Variants in LSM7 observed in about 807,000 individuals in gnomAD.
LSM7 encodes LSM7 homolog, U6 small nuclear RNA and mRNA degradation associated, also known as U6 snRNA-associated Sm-like protein LSm7.
In LSM7, 13 loss-of-function variants were observed where a neutral mutation model predicts 14.1. The observed-to-expected ratio is 0.92, with a 90% confidence interval of 0.60 to 1.47. The LOEUF (loss-of-function observed/expected upper bound fraction) is 1.47, where lower values mean the gene tolerates loss of function less well. Among genes scored for constraint, LSM7 ranks in the 40% most tolerant of loss-of-function variants. The probability of loss-of-function intolerance (pLI) is 0.00; values close to 1 mark genes in which losing one functional copy is unlikely to be tolerated. For synonymous variants in LSM7, 70 were observed against 57.1 expected, an observed-to-expected ratio of 1.23 and a Z score of -1.02; for missense variants, 108 against 140.8, an observed-to-expected ratio of 0.77 and a Z score of 1.18.
chr19:2,326,310 TTTTGTGTGTGTG>T (rs1213201373), intron 2 of LSM7, among the ~76,000 whole-genome samples: 3 of 99,712 alleles, frequency 3.0e-5, no homozygotes, highest in Admixed American at 1.0e-4. Flanking sequence ...CCTTTCTGCT[TTTTGTGTGTGTG>T]TGTGTGTGTG....
intron 2 of LSM7, among the ~76,000 whole-genome samples, chr19:2,325,092 C>T (rs1409061118): frequency 6.6e-6 from 1 of 152,206 alleles, no homozygotes; most frequent in Non-Finnish European, 1.5e-5. Context: ...GCTTCGGGGG[C>T]TGAGACGGTC....
At chr19:2,327,148 G>A (rs546439221) in intron 2 of LSM7, among the ~76,000 whole-genome samples, 31 of 152,372 alleles carry the variant, frequency 2.0e-4, no homozygotes, top group Middle Eastern at 6.8e-3. Context: ...GATTTGCTAT[G>A]AAGGGCAGAA....
At chr19:2,326,308 CTTTT>C (rs763242978) in intron 2 of LSM7, among the ~76,000 whole-genome samples, 2 of 109,782 alleles carry the variant, frequency 1.8e-5, no homozygotes, top group Non-Finnish European at 3.8e-5. Context: ...ACCCTTTCTG[CTTTT>C]TGTGTGTGTG....
chr19:2,327,770 GGTCCCCGTCTTACAAAAAAAA>G (rs1968063434), intron 2 of LSM7, among the ~76,000 whole-genome samples: 1 of 152,114 alleles, frequency 6.6e-6, no homozygotes, highest in Non-Finnish European at 1.5e-5. Flanking sequence ...AAGAGGTTTG[GGTCCCCGTCTTACAAAAAAAA>G]GAAACCAAAG....
intron 2 of LSM7, among the ~76,000 whole-genome samples, chr19:2,325,122 C>T (rs924722163): frequency 6.6e-5 from 10 of 152,202 alleles, no homozygotes; most frequent in African/African-American, 2.4e-4. Flanking sequence ...TCTCTCTCCA[C>T]GCTGCCTGCC....
intron 3 of LSM7, among the ~76,000 whole-genome samples, chr19:2,322,639 G>A (rs1279698693): frequency 4.6e-5 from 7 of 152,190 alleles, no homozygotes; most frequent in African/African-American, 1.4e-4. Context: ...GCTCTCAAGA[G>A]GCTGAAGGCG....
intron 2 of LSM7, 27 bp downstream of exon 2, chr19:2,328,360 G>A: frequency 6.3e-7 from 1 of 1,599,906 alleles, no homozygotes; most frequent in Non-Finnish European, 8.6e-7. Context: ...TTTAAAGAGG[G>A]GGTACCGACA....
chr19:2,328,310 T>C (rs1239082669), intron 2 of LSM7, 77 bp downstream of exon 2: 14 of 1,194,358 alleles, frequency 1.2e-5, no homozygotes, highest in Non-Finnish European at 1.7e-5. Context: ...TGCTTCCGCA[T>C]GCGTCCTCAT....
rs1234339608 is a variant in LSM7 at position 2,321,971 on chromosome 19, G to A, written c.170-149C>T. On this transcript the variant is annotated intron_variant, in intron 3 of 3. Coordinates refer to ENST00000252622, the MANE Select transcript of LSM7 (RefSeq NM_016199.3). This position sits in a 1 kb window ranked among gnomAD's most constrained non-coding sequence, Gnocchi z 5.0. Reference sequence around the variant, plus strand: ...ACCTCAGACGGGATGCGCTCTGTGGGGCAGGTCCCCGGCTCCCACGGCTGA... The same window carrying A: ...ACCTCAGACGGGATGCGCTCTGTGGAGCAGGTCCCCGGCTCCCACGGCTGA... 6 of 701,444 alleles carry A rather than the reference G, an allele frequency of 8.6e-6. No homozygotes were observed. The East Asian group carries it at 1.7e-4, about 20-fold the overall frequency. The allele number at this position is 701,444 out of a possible 1,614,324, so 43.5% of individuals were successfully genotyped here. A position where few individuals can be genotyped will look rare whatever the true frequency, so the allele number is the denominator to read the frequency against.
At chr19:2,328,516 C>G in intron 1 of LSM7, 39 bp from the exon 2 acceptor site, 1 of 1,610,536 alleles carries the variant, frequency 6.2e-7, no homozygotes, top group Non-Finnish European at 8.5e-7. Flanking sequence ...TGGAGCGCGG[C>G]CCGAGCTCCA....
intron 3 of LSM7, among the ~76,000 whole-genome samples, chr19:2,323,859 G>C (rs1302685597): frequency 6.6e-6 from 1 of 152,118 alleles, no homozygotes; most frequent in African/African-American, 2.4e-5. Flanking sequence ...TGGGTGAGCT[G>C]GCAGCTCCCG....
In LSM7 at chr19:2,328,409, T is replaced by C. The variant is rs766291015; in HGVS notation, c.75A>G (p.Val25=). The change falls in exon 2 of 4, where the codon GTA becomes GTG. Residue 25 remains valine (V), a synonymous_variant. Transcript: ENST00000252622. ...CACCTTCGCGGCCTCCCTGGAACTT[T>C]ACCCGGATCGTCTTGTCGATGTACT... ...LSKYIDKTIR[V]KFQGGREASG... is the part of the protein sequence containing the mutation. 6.2e-7 allele frequency: 1 copy of C among 1,613,958 alleles called. No individual in the cohort carries two copies. The highest frequency in any genetic ancestry group is 1.1e-5 in the South Asian group (1 of 91,080).
chr19:2,321,658 AC>A lies in LSM7; in HGVS notation c.*21del. The A allele has an allele frequency of 1.3e-5, 19 of 1,462,166 alleles. No homozygotes were observed. Among genetic ancestry groups the A allele is most frequent in the East Asian group, 2.7e-5 (1 of 36,726 alleles). 90.6% of individuals were successfully genotyped at this position (1,462,166 alleles called of 1,614,324 possible). ...ACCGAGCTGCTCGGGCCTGCCCTGC[AC>A]CCCCCGCGCCCCCGGCCAGGCTAGG... On this transcript the variant is annotated 3_prime_UTR_variant, in exon 4 of 4. Transcript: ENST00000252622. The surrounding 1 kb of genome is among the most constrained non-coding windows in gnomAD (Gnocchi z 5.0).
intron 1 of LSM7, 33 bp from the exon 2 acceptor site, chr19:2,328,510 G>A (rs1968092487): frequency 6.2e-7 from 1 of 1,611,406 alleles, no homozygotes; most frequent in African/African-American, 1.3e-5. Flanking sequence ...GAGACCTGGA[G>A]CGCGGCCCGA....
chr19:2,321,877 C>A lies in LSM7; in HGVS notation c.170-55G>T. 1.2e-5 allele frequency: 16 copies of A among 1,349,388 alleles called. No individual in the cohort carries two copies. The highest frequency in any genetic ancestry group is 1.5e-5 in the Non-Finnish European group (16 of 1,043,996). The allele number at this position is 1,349,388 out of a possible 1,614,324, so 83.6% of individuals were successfully genotyped here. The stretch of plus-strand genomic sequence containing the variant: ...GGACCTCCAGGAAGCCTCCGAGACC[C>A]CCCACCCACCCAAGACCCTCGCTCC... On this transcript the variant is annotated intron_variant, in intron 3 of 3. Transcript: ENST00000252622. The surrounding 1 kb of genome is among the most constrained non-coding windows in gnomAD (Gnocchi z 5.0).
At chr19:2,328,128 C>T (rs926471979) in intron 2 of LSM7, 1 of 405,166 alleles carries the variant, frequency 2.5e-6, no homozygotes, top group Non-Finnish European at 4.5e-6. Context: ...CAAATATTAG[C>T]CGGGCGTGGT....
In LSM7 at chr19:2,324,199, TGGAGAAATCACCGGG is replaced by T. The variant is rs766639666; in HGVS notation, c.98-18_98-4del. 1 of 1,575,300 alleles carries T rather than the reference TGGAGAAATCACCGGG, an allele frequency of 6.3e-7. No individual in the cohort carries two copies. The highest frequency in any genetic ancestry group is 2.3e-5 in the East Asian group (1 of 42,606). On this transcript the variant is annotated splice_polypyrimidine_tract_variant and splice_region_variant and intron_variant, in intron 2 of 3. Coordinates refer to ENST00000252622, the MANE Select transcript of LSM7 (RefSeq NM_016199.3). ...GAAGCCCTTCAGGATTCCACTGGCT[TGGAGAAATCACCGGG>T]GGAGAGAAAAGAGAAGGCATGAGAT...
rs76651436 is a variant in LSM7 at position 2,325,368 on chromosome 19, C to T, written c.98-1172G>A. Among the ~76,000 whole-genome samples the T allele has an allele frequency of 2.0e-4, 30 of 151,936 alleles. 1 individual carries two copies. The East Asian group carries it at 4.8e-3, about 25-fold the overall frequency. On this transcript the variant is annotated intron_variant, in intron 2 of 3. Transcript: ENST00000252622. ...AGGCCCAGCAGCAGCTCCACCTCTGCGCTCACTGAGGGGCGTCCCGCAGCC... is the reference window on the plus strand; with the variant it reads ...AGGCCCAGCAGCAGCTCCACCTCTGTGCTCACTGAGGGGCGTCCCGCAGCC...
intron 2 of LSM7, among the ~76,000 whole-genome samples, chr19:2,327,678 A>G (rs1215200694): frequency 1.3e-5 from 2 of 152,128 alleles, no homozygotes; most frequent in Non-Finnish European, 2.9e-5. Context: ...CTGGGATTAC[A>G]CACGTGAGCC....
Sources: allele counts gnomAD v4.1 joint callset (sites outside exome capture counted in the v4.1 genomes callset), GRCh38; gene constraint gnomAD v4.1.1; non-coding constraint Gnocchi (gnomAD v3.1); transcripts MANE v1.5; gene names NCBI Gene and HGNC (gene_info 2026-07-23, HGNC 2026-07-21).